Variants in NR3C1 observed in about 807,000 individuals in gnomAD.
NR3C1 encodes glucocorticoid receptor.
In NR3C1, 14 loss-of-function variants were observed where a neutral mutation model predicts 74.0. The observed-to-expected ratio is 0.19, with a 90% CI of 0.12 to 0.30. The LOEUF is 0.30. Among genes scored for constraint, NR3C1 ranks in the 10% least tolerant of loss-of-function variants. The probability of loss-of-function intolerance (pLI) is 1.00; values close to 1 mark genes in which losing one functional copy is unlikely to be tolerated. For synonymous variants in NR3C1, 308 were observed against 332.5 expected (o/e 0.93, Z 0.80); for missense variants, 695 against 909.8 (o/e 0.76, Z 3.04).
intron 2 of NR3C1, among the ~76,000 whole-genome samples, chr5:143,362,200 C>T (rs1561671535): frequency 1.3e-5 from 2 of 152,136 alleles, no homozygotes; most frequent in Non-Finnish European, 2.9e-5. Context: ...CAACCCTCTT[C>T]CCCAGCTTAT....
At chr5:143,395,053 A>G (rs765675273) in intron 2 of NR3C1, among the ~76,000 whole-genome samples, 17 of 151,966 alleles carry the variant, frequency 1.1e-4, no homozygotes. Flanking sequence ...CTGTCTACAA[A>G]TAATTTTGAA....
intron 2 of NR3C1, among the ~76,000 whole-genome samples, chr5:143,350,979 CA>C (rs1332920332): frequency 2.6e-5 from 4 of 152,248 alleles, no homozygotes; most frequent in Non-Finnish European, 5.9e-5. Context: ...GGAGTGGAAG[CA>C]GAAAACCAGT....
intron 2 of NR3C1, among the ~76,000 whole-genome samples, chr5:143,355,094 G>T (rs1044516919): frequency 1.4e-4 from 21 of 151,964 alleles, no homozygotes; most frequent in African/African-American, 5.1e-4. Context: ...TTAATATAGG[G>T]TTGCCACAAA....
At chr5:143,360,629 A>G (rs1832052369) in intron 2 of NR3C1, among the ~76,000 whole-genome samples, 1 of 152,212 alleles carries the variant, frequency 6.6e-6, no homozygotes, top group Admixed American at 6.5e-5. Context: ...TTTCAACATG[A>G]CAATAGAAGA....
intron 2 of NR3C1, among the ~76,000 whole-genome samples, chr5:143,320,406 C>T (rs961201257): frequency 6.6e-6 from 1 of 152,136 alleles, no homozygotes; most frequent in Admixed American, 6.6e-5. Context: ...ATTCACTCCT[C>T]TTGGGGAGAG....
intron 2 of NR3C1, among the ~76,000 whole-genome samples, chr5:143,394,449 A>G (rs1466584974): frequency 6.6e-6 from 1 of 151,984 alleles, no homozygotes; most frequent in East Asian, 1.9e-4. Flanking sequence ...ATTACCAAAG[A>G]AAAGGGTTGC....
At chr5:143,302,285 C>T (rs1411716575) in intron 4 of NR3C1, among the ~76,000 whole-genome samples, 1 of 152,042 alleles carries the variant, frequency 6.6e-6, no homozygotes, top group Non-Finnish European at 1.5e-5. Flanking sequence ...CCTCAACTTG[C>T]AGGAGAACAT....
intron 2 of NR3C1, among the ~76,000 whole-genome samples, chr5:143,398,533 C>G (rs1839669902): frequency 6.6e-6 from 1 of 151,832 alleles, no homozygotes; most frequent in African/African-American, 2.4e-5. Context: ...ATCTGAATAA[C>G]TAGTTAATGG....
At chr5:143,358,726 A>AC (rs757175333) in intron 2 of NR3C1, among the ~76,000 whole-genome samples, 3 of 151,866 alleles carry the variant, frequency 2.0e-5, no homozygotes, top group Non-Finnish European at 4.4e-5. Context: ...ACATGGAGAA[A>AC]CCCCGTCTCT....
chr5:143,334,252 C>G (rs1437276797), intron 2 of NR3C1, among the ~76,000 whole-genome samples: 3 of 151,880 alleles, frequency 2.0e-5, no homozygotes, highest in Non-Finnish European at 4.4e-5. Context: ...CATGGTGGCA[C>G]GTGCCTGTAA....
intron 5 of NR3C1, among the ~76,000 whole-genome samples, chr5:143,299,294 G>A (rs768986111): frequency 2.6e-5 from 4 of 150,958 alleles, no homozygotes; most frequent in Middle Eastern, 3.2e-3. Flanking sequence ...GATTACAGGC[G>A]TGAGCCATCG....
At chr5:143,426,173 A>T (rs1330964303) in intron 1 of NR3C1, among the ~76,000 whole-genome samples, 3 of 152,206 alleles carry the variant, frequency 2.0e-5, no homozygotes, top group Admixed American at 1.3e-4. Context: ...ATGGTAGGCA[A>T]ATCCATAGAG....
At chr5:143,310,564 C>T (rs1247523739) in intron 3 of NR3C1, among the ~76,000 whole-genome samples, 1 of 152,162 alleles carries the variant, frequency 6.6e-6, no homozygotes. Flanking sequence ...CCCCAACAGG[C>T]CCCCTTTCTG....
intron 2 of NR3C1, among the ~76,000 whole-genome samples, chr5:143,328,642 G>A (rs552815927): frequency 5.3e-5 from 8 of 152,178 alleles, no homozygotes; most frequent in African/African-American, 1.4e-4. Context: ...ATGACTGAAC[G>A]CTTTCAGAAT....
In NR3C1 at chr5:143,282,057, T is replaced by C. The variant is rs72481861; in HGVS notation, c.2182-16A>G. 1.2e-6 allele frequency: 2 copies of C among 1,613,250 alleles called. No individual in the cohort carries two copies. Among genetic ancestry groups the C allele is most frequent in the African/African-American group, 1.3e-5 (1 of 74,866 alleles). ...TTTCAACCACCTGCAAGAGAAGATA[T>C]GGTAATGATCAGGCTTCCAAATTGG... On this transcript the variant is annotated splice_polypyrimidine_tract_variant and intron_variant, in intron 8 of 8. Transcript: ENST00000394464.
At chr5:143,282,066 T>C in intron 8 of NR3C1, 25 bp from the exon 9 acceptor site, 1 of 1,613,234 alleles carries the variant, frequency 6.2e-7, no homozygotes, top group Non-Finnish European at 8.5e-7. Flanking sequence ...ATGGTAATGA[T>C]CAGGCTTCCA....
intron 4 of NR3C1, among the ~76,000 whole-genome samples, chr5:143,308,229 G>A (rs1820079440): frequency 1.3e-5 from 2 of 152,162 alleles, no homozygotes; most frequent in South Asian, 2.1e-4. Flanking sequence ...GGGAGGCCAC[G>A]TTGGGAGGAT....
intron 2 of NR3C1, among the ~76,000 whole-genome samples, chr5:143,379,193 C>T (rs1396226016): frequency 6.6e-6 from 1 of 152,174 alleles, no homozygotes; most frequent in Non-Finnish European, 1.5e-5. Context: ...GAGTCTTACA[C>T]CTTGAATGGA....
chr5:143,324,816 A>G (rs1460546613), intron 2 of NR3C1, among the ~76,000 whole-genome samples: 1 of 152,174 alleles, frequency 6.6e-6, no homozygotes, highest in Non-Finnish European at 1.5e-5. Flanking sequence ...GATACCCTAA[A>G]TCATCTCTCT....
Sources: allele counts gnomAD v4.1 joint callset (sites outside exome capture counted in the v4.1 genomes callset), GRCh38; gene constraint gnomAD v4.1.1; transcripts MANE v1.5; gene names NCBI Gene and HGNC (gene_info 2026-07-23, HGNC 2026-07-21).